Variants in PCM1 observed in about 807,000 individuals in gnomAD.
PCM1 encodes pericentriolar material 1, also known as pericentriolar material 1 protein.
A neutral mutation model predicts 241.9 loss-of-function variants in PCM1; 157 were observed. That is an observed-to-expected ratio of 0.65 (90% confidence interval 0.57 to 0.74). PCM1 has a LOEUF of 0.74. Ranked by LOEUF, PCM1 falls within the 30% of genes least tolerant of loss-of-function variation. PCM1 has a pLI of 0.00. For missense variants in PCM1, 3,478 were observed against 2,360.1 expected (o/e 1.47, Z -9.81); for synonymous variants, 1,085 against 784.9 (o/e 1.38, Z -6.39).
chr8:17,932,394 A>G (rs543500764), intron 2 of PCM1, among the ~76,000 whole-genome samples: 3 of 152,116 alleles, frequency 2.0e-5, no homozygotes, highest in African/African-American at 4.8e-5. Context: ...TATATTCTCA[A>G]TGTAGTGTCT....
chr8:18,001,220 A>G (rs560217571), intron 29 of PCM1, among the ~76,000 whole-genome samples: 1 of 152,112 alleles, frequency 6.6e-6, no homozygotes, highest in South Asian at 2.1e-4. Context: ...ATAAAATACA[A>G]TTTTCTATTA....
At chr8:17,955,790 G>C in intron 10 of PCM1, 137 bp downstream of exon 10, 1 of 708,480 alleles carries the variant, frequency 1.4e-6, no homozygotes, top group East Asian at 2.7e-5. Context: ...AGGTAGAAGA[G>C]GCGTGTGTGT....
intron 32 of PCM1, among the ~76,000 whole-genome samples, chr8:18,011,013 A>T (rs2092419842): frequency 6.6e-6 from 1 of 152,204 alleles, no homozygotes; most frequent in South Asian, 2.1e-4. Flanking sequence ...TTGAAACAAT[A>T]TAAAATTATT....
intron 3 of PCM1, among the ~76,000 whole-genome samples, chr8:17,936,757 A>T (rs2129449245): frequency 6.6e-6 from 1 of 152,242 alleles, no homozygotes; most frequent in East Asian, 1.9e-4. Context: ...TCTCTTTTTG[A>T]TACGTACTGA....
Position 17,986,080 on chromosome 8 carries a change from CTGA to C in PCM1, c.4409_4410+1del, listed in dbSNP as rs755850391. 1 of 1,573,544 alleles carries C rather than the reference CTGA, an allele frequency of 6.4e-7. No individual in the cohort carries two copies. The highest frequency in any genetic ancestry group is 8.6e-7 in the Non-Finnish European group (1 of 1,160,738). ...ACTCCTAGTGAGAGCCTTGCTACTA[CTGA>C]TGATGTAAGCTGATAATGATTAGTG... On this transcript the variant is annotated inframe_deletion, in exon 26 of 39. Coordinates refer to ENST00000325083, the MANE Select transcript of PCM1 (RefSeq NM_006197.4).
At chr8:17,928,015 A>G (rs1355278188) in intron 2 of PCM1, 1 of 150,588 alleles carries the variant, frequency 6.6e-6, no homozygotes, top group Non-Finnish European at 1.5e-5. Context: ...AACTTCGTTT[A>G]GTAAGGCATA....
At position 18,011,214 on chromosome 8, in the gene PCM1, T is replaced by G. The variant is rs751409292; in HGVS notation, c.5221-23T>G. ...TACACATGTACTTTAAGGAATTAAT[T>G]ACTCAAATATTTTTGTGTCTAGGAC... On this transcript the variant is annotated intron_variant, in intron 32 of 38. Coordinates refer to ENST00000325083, the MANE Select transcript of PCM1 (RefSeq NM_006197.4). 30 of 1,555,242 alleles carry G rather than the reference T, an allele frequency of 1.9e-5. 1 individual carries two copies. In the Middle Eastern group the frequency reaches 4.2e-3, roughly 219 times the overall value.
Position 17,969,618 on chromosome 8 carries a change from T to G in PCM1, c.3454T>G (p.Phe1152Val). Residue 1152 changes from phenylalanine to valine, a missense_variant, in exon 22 of 39, where the codon TTT (phenylalanine) becomes GTT (valine). By Grantham distance (50) the Phe-to-Val change is conservative. Transcript: ENST00000325083. ...TTTATTTCCTTCTAATTTTGGAGATTTTTCTCAGAATATCTCTACACCCAG... is the reference window on the plus strand; with the variant it reads ...TTTATTTCCTTCTAATTTTGGAGATGTTTCTCAGAATATCTCTACACCCAG... Reference protein sequence around the residue: ...SPLFPSNFGDFSQNISTPSEQ... With the variant: ...SPLFPSNFGDVSQNISTPSEQ... 2 of 1,611,132 alleles carry G rather than the reference T, an allele frequency of 1.2e-6. No individual in the cohort carries two copies. Among genetic ancestry groups the G allele is most frequent in the Non-Finnish European group, 1.7e-6 (2 of 1,178,634 alleles).
chr8:18,005,195 C>A (rs912420564), intron 29 of PCM1, among the ~76,000 whole-genome samples: 1 of 152,046 alleles, frequency 6.6e-6, no homozygotes, highest in Non-Finnish European at 1.5e-5. Context: ...TAAGTAATGT[C>A]TCCTGTGAGC....
intron 29 of PCM1, 195 bp from the exon 30 acceptor site, chr8:18,006,068 C>G (rs1475968283): frequency 4.3e-6 from 2 of 467,602 alleles, no homozygotes; most frequent in Non-Finnish European, 7.4e-6. Flanking sequence ...TCAAAATTGC[C>G]AAACCTCTCA....
intron 29 of PCM1, among the ~76,000 whole-genome samples, chr8:17,998,894 T>G (rs1217778904): frequency 6.6e-6 from 1 of 152,166 alleles, no homozygotes; most frequent in African/African-American, 2.4e-5. Flanking sequence ...TTCCCACTTT[T>G]ACCTCTGCTT....
chr8:17,983,295 A>C, intron 24 of PCM1: 1 of 1,321,498 alleles, frequency 7.6e-7, no homozygotes, highest in Middle Eastern at 2.0e-4. Flanking sequence ...GCCAGGTAAC[A>C]ATCTGCGTAG....
intron 2 of PCM1, among the ~76,000 whole-genome samples, chr8:17,932,381 G>A (rs998091085): frequency 3.3e-5 from 5 of 152,022 alleles, no homozygotes; most frequent in Non-Finnish European, 7.4e-5. Context: ...TGTTATACTG[G>A]TTTATATTCT....
intron 19 of PCM1, 33 bp downstream of exon 19, chr8:17,966,251 T>C (rs763490157): frequency 6.2e-7 from 1 of 1,608,446 alleles, no homozygotes; most frequent in South Asian, 1.1e-5. Flanking sequence ...ATTTTTCGTC[T>C]ATTTTTATAA....
chr8:18,000,147 T>G (rs964895603), intron 29 of PCM1, among the ~76,000 whole-genome samples: 2 of 152,204 alleles, frequency 1.3e-5, no homozygotes, highest in African/African-American at 4.8e-5. Context: ...GGAGCCAGTG[T>G]AAACCAGGAT....
Position 17,960,364 on chromosome 8 carries a change from C to CAGG in PCM1, c.2243_2244insGGA (p.Gln748_Leu749insGlu). 6.2e-7 allele frequency: 1 copy of CAGG among 1,606,870 alleles called. No individual in the cohort carries two copies. The highest frequency in any genetic ancestry group is 8.5e-7 in the Non-Finnish European group (1 of 1,177,694). On this transcript the variant is annotated inframe_insertion, in exon 15 of 39. Transcript: ENST00000325083. ...ACAGCAGCAACAGAGAGAGCTAAAACAATTGCAGGAAGAAAGAAAGAAACT... is the reference window on the plus strand; with the variant it reads ...ACAGCAGCAACAGAGAGAGCTAAAACAGGAATTGCAGGAAGAAAGAAAGAAACT...
chr8:18,010,781 G>T (rs1276718590), intron 32 of PCM1, 113 bp downstream of exon 32: 2 of 673,140 alleles, frequency 3.0e-6, no homozygotes, highest in Non-Finnish European at 2.5e-6. Context: ...AAGATTTCCA[G>T]ACCAGCCTGG....
chr8:18,018,234 A>T (rs770309767), intron 36 of PCM1, among the ~76,000 whole-genome samples: 1 of 152,152 alleles, frequency 6.6e-6, no homozygotes, highest in Non-Finnish European at 1.5e-5. Context: ...GAGCTTCCTG[A>T]CCCTTCTAAA....
chr8:17,950,253 A>C (rs942355119), intron 7 of PCM1, among the ~76,000 whole-genome samples: 2 of 152,230 alleles, frequency 1.3e-5, no homozygotes, highest in Non-Finnish European at 2.9e-5. Context: ...ATGGAGATTG[A>C]AACCTGTCAG....
Sources: gnomAD v4.1 joint callset for allele counts (sites outside exome capture counted in the v4.1 genomes callset) on GRCh38, gnomAD v4.1.1 for gene constraint, MANE v1.5 for transcripts, NCBI Gene and HGNC (gene_info 2026-07-23, HGNC 2026-07-21) for gene names.